ADCY8: variants seen among roughly 807,000 people sequenced by gnomAD.
ADCY8 encodes adenylate cyclase 8.
A neutral mutation model predicts 119.7 loss-of-function variants in ADCY8; 51 were observed. The observed-to-expected ratio is 0.43, with a 90% CI of 0.34 to 0.54. The LOEUF (loss-of-function observed/expected upper bound fraction) is 0.54, where lower values mean the gene tolerates loss of function less well. Ranked by LOEUF, ADCY8 falls within the 20% of genes least tolerant of loss-of-function variation. The pLI, the probability that ADCY8 is intolerant of heterozygous loss-of-function variation, is 0.03. For synonymous variants in ADCY8, 665 were observed against 651.0 expected (o/e 1.02, Z -0.33); for missense variants, 1,383 against 1,598.8 (o/e 0.87, Z 2.30).
chr8:130,896,965 T>G (rs745967650), intron 7 of ADCY8, among the ~76,000 whole-genome samples: 2 of 152,074 alleles, frequency 1.3e-5, no homozygotes, highest in Non-Finnish European at 2.9e-5. Context: ...AATTGTTGGA[T>G]CATCCAGTCC....
chr8:131,021,213 T>A (rs905005890), intron 1 of ADCY8, among the ~76,000 whole-genome samples: 1 of 152,170 alleles, frequency 6.6e-6, no homozygotes, highest in Non-Finnish European at 1.5e-5. Flanking sequence ...TTAAAAAAAA[T>A]CTAGCAATGA....
intron 1 of ADCY8, among the ~76,000 whole-genome samples, chr8:131,004,767 G>C (rs775965465): frequency 3.3e-5 from 5 of 152,180 alleles, no homozygotes; most frequent in Non-Finnish European, 7.4e-5. Flanking sequence ...GTCCTTCTAG[G>C]GGAGAGACTA....
chr8:130,903,665 A>T (rs1819681158), intron 7 of ADCY8, 107 bp downstream of exon 7: 2 of 1,281,726 alleles, frequency 1.6e-6, no homozygotes, highest in South Asian at 2.9e-5. Flanking sequence ...TATGGTGTTC[A>T]TTGGAGAAAA....
At chr8:130,795,780 G>GGTGTGT (rs140027471) in intron 15 of ADCY8, among the ~76,000 whole-genome samples, 19 of 150,948 alleles carry the variant, frequency 1.3e-4, no homozygotes, top group African/African-American at 4.1e-4. Flanking sequence ...GCTTGGCTTT[G>GGTGTGT]GTGTGTGTGT....
chr8:130,814,346 C>T (rs1198413627), intron 13 of ADCY8, 119 bp from the exon 14 acceptor site: 1 of 1,067,666 alleles, frequency 9.4e-7, no homozygotes, highest in African/African-American at 1.6e-5. Context: ...TGAAACAGAG[C>T]CTGATCTGAA....
chr8:131,008,032 A>G (rs1420355379), intron 1 of ADCY8, among the ~76,000 whole-genome samples: 2 of 151,980 alleles, frequency 1.3e-5, no homozygotes, highest in African/African-American at 4.8e-5. Context: ...TGACCATATA[A>G]TTTATTGTCC....
intron 9 of ADCY8, among the ~76,000 whole-genome samples, chr8:130,863,858 T>G (rs1362287449): frequency 6.6e-6 from 1 of 152,158 alleles, no homozygotes; most frequent in African/African-American, 2.4e-5. Context: ...CAAAAAATAA[T>G]GTTTTAGATC....
At position 130,874,357 on chromosome 8, in the gene ADCY8, A is replaced by G. The variant is rs555470619; in HGVS notation, c.2110-6411T>C. Among the ~76,000 whole-genome samples the G allele has an allele frequency of 5.4e-5, 8 of 147,432 alleles. No homozygotes were observed. In the South Asian group the frequency reaches 1.5e-3, roughly 28 times the overall value. On this transcript the variant is annotated intron_variant, in intron 8 of 17. Transcript: ENST00000286355. The stretch of plus-strand genomic sequence containing the variant: ...AATAAATAAATAAATAAATAAATAA[A>G]ATACACCATTTGGATACAAGGCATA...
intron 8 of ADCY8, 67 bp from the exon 9 acceptor site, chr8:130,868,013 C>A: frequency 9.8e-7 from 1 of 1,017,172 alleles, no homozygotes; most frequent in Non-Finnish European, 1.5e-6. Flanking sequence ...TTGAGGGAAA[C>A]ATCAAGAAGA....
At chr8:130,792,604 C>A (rs1202372241) in intron 15 of ADCY8, among the ~76,000 whole-genome samples, 1 of 152,178 alleles carries the variant, frequency 6.6e-6, no homozygotes, top group Non-Finnish European at 1.5e-5. Context: ...TAACCCACAT[C>A]TAATCTATCA....
Position 130,990,534 on chromosome 8 carries a change from G to T in ADCY8, c.969C>A (p.Ala323=). The change falls in exon 2 of 18, where the codon GCC becomes GCA. Residue 323 remains alanine (A), a synonymous_variant. Coordinates refer to ENST00000286355, the MANE Select transcript of ADCY8 (RefSeq NM_001115.3). ...TCATACACATGAATAGCACTGCCTG[G>T]GCCACAACCTAAAATAAACACAGTC... ...LAVISINQVV[A]QAVLFMCMNT... The T allele has an allele frequency of 6.2e-7, 1 of 1,613,626 alleles. No individual in the cohort carries two copies. The highest frequency in any genetic ancestry group is 8.5e-7 in the Non-Finnish European group (1 of 1,179,694).
intron 2 of ADCY8, among the ~76,000 whole-genome samples, chr8:130,983,373 C>T (rs1047531741): frequency 2.0e-5 from 3 of 152,152 alleles, no homozygotes; most frequent in Admixed American, 2.0e-4. Flanking sequence ...ACATCCAGTG[C>T]CTCCCATTGG....
At chr8:130,862,551 T>C (rs1817972148) in intron 9 of ADCY8, among the ~76,000 whole-genome samples, 1 of 152,186 alleles carries the variant, frequency 6.6e-6, no homozygotes, top group Non-Finnish European at 1.5e-5. Flanking sequence ...TAGTTGGGAC[T>C]ACAGACGCCG....
At chr8:131,038,113 A>AT (rs1286061024) in intron 1 of ADCY8, among the ~76,000 whole-genome samples, 1 of 152,202 alleles carries the variant, frequency 6.6e-6, no homozygotes, top group East Asian at 1.9e-4. Flanking sequence ...AAGAGACAGG[A>AT]TCCCACATTG....
intron 3 of ADCY8, among the ~76,000 whole-genome samples, chr8:130,944,112 G>T (rs1821038324): frequency 6.6e-6 from 1 of 152,136 alleles, no homozygotes; most frequent in Admixed American, 6.5e-5. Context: ...TAAAAGCCAG[G>T]TTACTCTCTT....
intron 2 of ADCY8, among the ~76,000 whole-genome samples, chr8:130,963,894 ACTAGAAATAAGAAATT>A (rs1821683533): frequency 6.6e-6 from 1 of 152,180 alleles, no homozygotes; most frequent in Admixed American, 6.6e-5. Context: ...GAGACTAAAA[ACTAGAAATAAGAAATT>A]CTAGAAATAA....
At chr8:130,805,868 T>G (rs946280100) in intron 14 of ADCY8, among the ~76,000 whole-genome samples, 16 of 152,128 alleles carry the variant, frequency 1.1e-4, no homozygotes, top group African/African-American at 3.9e-4. Flanking sequence ...AGAAGGTGGG[T>G]TCACCTTGGG....
At chr8:130,945,736 T>C (rs1318468601) in intron 3 of ADCY8, among the ~76,000 whole-genome samples, 2 of 152,250 alleles carry the variant, frequency 1.3e-5, no homozygotes, top group African/African-American at 4.8e-5. Flanking sequence ...TGATTATGTA[T>C]TACTTGTAGC....
At chr8:130,939,895 C>T (rs530314222) in intron 4 of ADCY8, among the ~76,000 whole-genome samples, 7 of 152,186 alleles carry the variant, frequency 4.6e-5, no homozygotes, top group African/African-American at 1.7e-4. Context: ...TTTACAGATA[C>T]AGAAATCTCA....
Sources: allele counts gnomAD v4.1 joint callset (sites outside exome capture counted in the v4.1 genomes callset), GRCh38; gene constraint gnomAD v4.1.1; transcripts MANE v1.5; gene names NCBI Gene and HGNC (gene_info 2026-07-23, HGNC 2026-07-21).